The following PDZRN3 variants were observed in gnomAD, a reference collection of about 807,000 sequenced individuals.
PDZRN3 encodes the protein E3 ubiquitin-protein ligase PDZRN3.
A neutral mutation model predicts 85.7 loss-of-function variants in PDZRN3; 38 were observed. The ratio of observed to expected loss-of-function variants is 0.44; its 90% CI spans 0.34 to 0.58. The LOEUF is 0.58. PDZRN3 is among the 20% of genes least tolerant of loss of function. The pLI is 0.01. For synonymous variants in PDZRN3, 759 were observed against 638.0 expected, an observed-to-expected ratio of 1.19 and a Z score of -2.86; for missense variants, 1,629 against 1,506.4, an observed-to-expected ratio of 1.08 and a Z score of -1.35.
At chr3:73,454,920 T>C (rs1168679584) in intron 3 of PDZRN3, among the ~76,000 whole-genome samples, 3 of 152,100 alleles carry the variant, frequency 2.0e-5, no homozygotes, top group African/African-American at 7.2e-5. Flanking sequence ...GCGATCTTGG[T>C]TGGACTGACT....
chr3:73,523,941 C>T (rs886752419), intron 3 of PDZRN3, among the ~76,000 whole-genome samples: 1 of 152,194 alleles, frequency 6.6e-6, no homozygotes, highest in Non-Finnish European at 1.5e-5. Context: ...CCAAAGCATT[C>T]TGTAAAAGGA....
chr3:73,459,961 C>T (rs931486706), intron 3 of PDZRN3, among the ~76,000 whole-genome samples: 2 of 152,196 alleles, frequency 1.3e-5, no homozygotes, highest in African/African-American at 4.8e-5. Context: ...GCTCACTGCA[C>T]TTCCCCTTCC....
Position 73,398,640 on chromosome 3 carries a change from G to A in PDZRN3, c.1254+2282C>T, listed in dbSNP as rs1287575246. ...AGCAGGATGCTCTCAGGTGCTTCAT[G>A]CTTTGAGGAGAAAGACTCAGTCTGG... On this transcript the variant is annotated intron_variant, in intron 5 of 9. Coordinates refer to ENST00000263666, the MANE Select transcript of PDZRN3 (RefSeq NM_015009.3). Among the ~76,000 whole-genome samples, 4 of 152,208 alleles carry A rather than the reference G, an allele frequency of 2.6e-5. No homozygotes were observed. The East Asian group carries it at 7.7e-4, about 29-fold the overall frequency.
At chr3:73,417,045 T>A (rs1342015066) in intron 3 of PDZRN3, among the ~76,000 whole-genome samples, 1 of 150,976 alleles carries the variant, frequency 6.6e-6, no homozygotes, top group Non-Finnish European at 1.5e-5. Flanking sequence ...GCCCAGCTAA[T>A]TTTTTTTTGT....
At chr3:73,570,156 A>T (rs9855425) in intron 3 of PDZRN3, among the ~76,000 whole-genome samples, 133,729 of 152,214 alleles carry the variant, frequency 0.88, 58,754 homozygotes, top group African/African-American at 0.89. Flanking sequence ...GGACTCTTGT[A>T]TTCTTCTCTG....
chr3:73,449,037 C>A (rs1702806803), intron 3 of PDZRN3, among the ~76,000 whole-genome samples: 1 of 152,144 alleles, frequency 6.6e-6, no homozygotes, highest in Non-Finnish European at 1.5e-5. Context: ...CTTTGAGTTT[C>A]ATTTTAAGCC....
In PDZRN3 at chr3:73,553,214, T is replaced by C. The variant is rs74721295; in HGVS notation, c.918+49140A>G. On this transcript the variant is annotated intron_variant, in intron 3 of 9. Transcript: ENST00000263666. ...CATGCACCAAGTTCAGAATAGTGCTTACGCTTCTGATAATTAACACGGTTG... is the reference window on the plus strand; with the variant it reads ...CATGCACCAAGTTCAGAATAGTGCTCACGCTTCTGATAATTAACACGGTTG... Among the ~76,000 whole-genome samples the C allele has an allele frequency of 6.6e-3, 1,009 of 152,302 alleles. 14 individuals are homozygous for C. Among genetic ancestry groups the C allele is most frequent in the African/African-American group, 0.022 (935 of 41,570 alleles).
Position 73,598,024 on chromosome 3 carries a change from T to A in PDZRN3, c.918+4330A>T, listed in dbSNP as rs1312939438. On this transcript the variant is annotated intron_variant, in intron 3 of 9. Coordinates refer to ENST00000263666, the MANE Select transcript of PDZRN3 (RefSeq NM_015009.3). ...CCTAAGAGAATTTTGAGGGTAATAT[T>A]GATCTTATGTGATTTTTCACATTTT... Among the ~76,000 whole-genome samples the A allele has an allele frequency of 3.3e-5, 5 of 152,066 alleles. No homozygotes were observed. In the East Asian group the frequency reaches 9.7e-4, roughly 29 times the overall value.
At chr3:73,590,871 A>C (rs1210117059) in intron 3 of PDZRN3, among the ~76,000 whole-genome samples, 2 of 152,304 alleles carry the variant, frequency 1.3e-5, no homozygotes, top group South Asian at 4.1e-4. Flanking sequence ...TACTTAATCG[A>C]TTCTATTTTA....
intron 2 of PDZRN3, among the ~76,000 whole-genome samples, chr3:73,605,378 G>C (rs1369987740): frequency 6.6e-6 from 1 of 152,170 alleles, no homozygotes; most frequent in African/African-American, 2.4e-5. Context: ...AAAGGGGATT[G>C]TTTTCATAGC....
rs539949792 is a variant in PDZRN3, at chr3:73,386,769, T to G, written c.1519-984A>C. On this transcript the variant is annotated intron_variant, in intron 8 of 9. Coordinates refer to ENST00000263666, the MANE Select transcript of PDZRN3 (RefSeq NM_015009.3). ...GGCCCTTTAAGAAAAAGTCTGTGAC[T>G]GTGGGTGAGATGATTGCTGAAGTTC... Among the ~76,000 whole-genome samples the G allele has an allele frequency of 2.0e-5, 3 of 152,352 alleles. No homozygotes were observed. The South Asian group carries it at 6.2e-4, about 32-fold the overall frequency.
At chr3:73,437,948 T>C (rs1221851682) in intron 3 of PDZRN3, among the ~76,000 whole-genome samples, 1 of 152,198 alleles carries the variant, frequency 6.6e-6, no homozygotes, top group Non-Finnish European at 1.5e-5. Context: ...ATAATAGAAC[T>C]GTTTTTGAGA....
In PDZRN3 at chr3:73,523,696, G is replaced by A. The variant is rs143412254; in HGVS notation, c.918+78658C>T. Among the ~76,000 whole-genome samples the A allele has an allele frequency of 2.1e-3, 322 of 152,240 alleles. 1 individual carries two copies. Among genetic ancestry groups the A allele is most frequent in the African/African-American group, 6.3e-3 (261 of 41,540 alleles). On this transcript the variant is annotated intron_variant, in intron 3 of 9. Transcript: ENST00000263666. Reference sequence around the variant, plus strand: ...TTAAAGGTCCGAAGAAAAATATGGTGGCACAACTACAGGGATGGAATGGCT... The same window carrying A: ...TTAAAGGTCCGAAGAAAAATATGGTAGCACAACTACAGGGATGGAATGGCT...
At chr3:73,474,012 CT>C (rs1703400643) in intron 3 of PDZRN3, among the ~76,000 whole-genome samples, 1 of 152,354 alleles carries the variant, frequency 6.6e-6, no homozygotes, top group South Asian at 2.1e-4. Context: ...TGTCACACAT[CT>C]ACTAAGCGGT....
chr3:73,584,452 GGT>G (rs56393203), intron 3 of PDZRN3, among the ~76,000 whole-genome samples: 7,801 of 83,724 alleles, frequency 0.093, 226 homozygotes, highest in South Asian at 0.12. Context: ...TTCATTTAAT[GGT>G]GTGTGTGTGT....
At chr3:73,453,786 G>A (rs988906759) in intron 3 of PDZRN3, among the ~76,000 whole-genome samples, 5 of 152,134 alleles carry the variant, frequency 3.3e-5, no homozygotes, top group African/African-American at 9.7e-5. Context: ...ATTGATCTCC[G>A]TGTTAAGCCA....
rs146381615 is a variant in PDZRN3, at chr3:73,416,876, G to GTTTTTT, written c.919-12487_919-12482dup. The stretch of plus-strand genomic sequence containing the variant: ...TTTTTTTTTTGTTTGTTTTTTTTTG[G>GTTTTTT]TTTTTTTTTTTTTTTTTTTTTTTTT... On this transcript the variant is annotated intron_variant, in intron 3 of 9. Coordinates refer to ENST00000263666, the MANE Select transcript of PDZRN3 (RefSeq NM_015009.3). 1.9e-3 allele frequency among the ~76,000 whole-genome samples: 206 copies of GTTTTTT among 110,346 alleles called. 2 individuals are homozygous for GTTTTTT. The highest frequency in any genetic ancestry group is 2.7e-3 in the Non-Finnish European group (150 of 54,896). 72.4% of individuals were successfully genotyped at this position (110,346 alleles called of 152,430 possible). A position where few individuals can be genotyped will look rare whatever the true frequency, so the allele number is the denominator to read the frequency against.
rs146299307 is a variant in PDZRN3 at position 73,524,561 on chromosome 3, C to T, written c.918+77793G>A. On this transcript the variant is annotated intron_variant, in intron 3 of 9. Transcript: ENST00000263666. ...AGGTGTGCCCTTGGAGATCAGAAAG[C>T]CTTTTTATTAAAAATGAAAGAGAAT... is the stretch of plus-strand genomic sequence containing the variant. Among the ~76,000 whole-genome samples the T allele has an allele frequency of 2.2e-4, 34 of 152,258 alleles. No individual in the cohort carries two copies. The East Asian group carries it at 5.8e-3, about 26-fold the overall frequency.
intron 3 of PDZRN3, among the ~76,000 whole-genome samples, chr3:73,575,763 CCT>C (rs1702113939): frequency 6.6e-6 from 1 of 152,154 alleles, no homozygotes; most frequent in Admixed American, 6.5e-5. Context: ...GCTCTGTATG[CCT>C]CTGTTTTCTC....
Sources: allele counts gnomAD v4.1 joint callset (sites outside exome capture counted in the v4.1 genomes callset), GRCh38; gene constraint gnomAD v4.1.1; transcripts MANE v1.5; gene names NCBI Gene and HGNC (gene_info 2026-07-23, HGNC 2026-07-21).